The following SLC2A13 variants were observed in gnomAD, a reference collection of about 807,000 sequenced individuals.
The protein encoded by SLC2A13 is proton myo-inositol cotransporter.
In SLC2A13, 32 loss-of-function variants were observed where a neutral mutation model predicts 64.4. The ratio of observed to expected loss-of-function variants is 0.50; its 90% confidence interval spans 0.37 to 0.67. SLC2A13 has a LOEUF of 0.67. SLC2A13 is among the 30% of genes least tolerant of loss of function. SLC2A13 has a pLI of 0.00. For missense variants in SLC2A13, 743 were observed against 829.2 expected (o/e 0.90, Z 1.28); for synonymous variants, 338 against 327.1 (o/e 1.03, Z -0.36).
chr12:39,836,053 T>G (rs1942995064), intron 6 of SLC2A13, among the ~76,000 whole-genome samples: 1 of 152,092 alleles, frequency 6.6e-6, no homozygotes, highest in African/African-American at 2.4e-5. Context: ...CCAGTTTCGT[T>G]GAGGCCCACA....
chr12:40,022,580 T>C (rs1947737327), intron 3 of SLC2A13, among the ~76,000 whole-genome samples: 1 of 152,236 alleles, frequency 6.6e-6, no homozygotes, highest in African/African-American at 2.4e-5. Flanking sequence ...CTCATGCCTG[T>C]AATCTTAGCA....
At chr12:39,862,267 T>G (rs1013971483) in intron 6 of SLC2A13, among the ~76,000 whole-genome samples, 2 of 152,234 alleles carry the variant, frequency 1.3e-5, no homozygotes, top group African/African-American at 4.8e-5. Flanking sequence ...AGCTCTAACC[T>G]ACAATATTTT....
At chr12:39,913,648 G>A (rs1945470025) in intron 4 of SLC2A13, among the ~76,000 whole-genome samples, 1 of 151,742 alleles carries the variant, frequency 6.6e-6, no homozygotes, top group African/African-American at 2.4e-5. Context: ...GCAATTTCAG[G>A]AGAAAAGATA....
intron 4 of SLC2A13, among the ~76,000 whole-genome samples, chr12:39,903,525 T>G (rs956186396): frequency 2.6e-5 from 4 of 152,034 alleles, no homozygotes; most frequent in African/African-American, 9.7e-5. Context: ...GGGAAGCTCA[T>G]GACAAGATTC....
At chr12:39,773,773 A>G (rs61931208) in intron 7 of SLC2A13, among the ~76,000 whole-genome samples, 28,730 of 152,112 alleles carry the variant, frequency 0.19, 3,147 homozygotes, top group East Asian at 0.4. Flanking sequence ...AAAACTTCCA[A>G]CTTCATATAT....
intron 6 of SLC2A13, among the ~76,000 whole-genome samples, chr12:39,834,735 C>T (rs1356547017): frequency 4.6e-5 from 7 of 151,960 alleles, no homozygotes; most frequent in Admixed American, 3.3e-4. Flanking sequence ...GGAGGAAAGA[C>T]AAGATTTCCT....
intron 7 of SLC2A13, among the ~76,000 whole-genome samples, chr12:39,803,749 G>A (rs1043276373): frequency 1.3e-5 from 2 of 152,146 alleles, no homozygotes; most frequent in African/African-American, 4.8e-5. Flanking sequence ...AAAGCAGAAT[G>A]TGATGGCCAG....
At chr12:40,009,637 T>A (rs991918564) in intron 3 of SLC2A13, among the ~76,000 whole-genome samples, 1 of 152,156 alleles carries the variant, frequency 6.6e-6, no homozygotes, top group Non-Finnish European at 1.5e-5. Flanking sequence ...CTCACTATGT[T>A]GCCCAGGCTG....
chr12:39,983,020 G>T lies in SLC2A13; in HGVS notation c.926-31655C>A, dbSNP rs953077869. On this transcript the variant is annotated intron_variant, in intron 3 of 9. Coordinates refer to ENST00000280871, the MANE Select transcript of SLC2A13 (RefSeq NM_052885.4). ...ACAGAACAGAGCCCTCAGAAATAAC[G>T]CCGCATACCTACAACTATCTGATCT... Among the ~76,000 whole-genome samples the T allele has an allele frequency of 4.8e-5, 7 of 147,092 alleles. No individual in the cohort carries two copies. The East Asian group carries it at 6.7e-4, about 14-fold the overall frequency.
At chr12:40,024,892 G>A (rs776825901) in intron 3 of SLC2A13, among the ~76,000 whole-genome samples, 2 of 152,072 alleles carry the variant, frequency 1.3e-5, no homozygotes, top group Non-Finnish European at 1.5e-5. Flanking sequence ...CAACTCTCCC[G>A]AGATTCATTT....
At chr12:39,929,517 C>T (rs1278005909) in intron 4 of SLC2A13, among the ~76,000 whole-genome samples, 1 of 151,530 alleles carries the variant, frequency 6.6e-6, no homozygotes, top group African/African-American at 2.4e-5. Flanking sequence ...AGCCATTGCA[C>T]TCCAGCCTGG....
At chr12:39,830,434 C>A in intron 6 of SLC2A13, 1 of 1,277,392 alleles carries the variant, frequency 7.8e-7, no homozygotes, top group Non-Finnish European at 9.9e-7. Context: ...TTGGCCACAG[C>A]AACTTTGGAA....
At chr12:40,104,583 A>C (rs1188310524) in intron 1 of SLC2A13, among the ~76,000 whole-genome samples, 1 of 152,232 alleles carries the variant, frequency 6.6e-6, no homozygotes, top group African/African-American at 2.4e-5. Flanking sequence ...AGAATGGATA[A>C]AAAAGGATTC....
intron 4 of SLC2A13, among the ~76,000 whole-genome samples, chr12:39,910,508 T>C (rs561411445): frequency 4.6e-5 from 7 of 152,074 alleles, no homozygotes; most frequent in Non-Finnish European, 8.8e-5. Context: ...TATGAATACA[T>C]TTGGAATACT....
intron 2 of SLC2A13, among the ~76,000 whole-genome samples, chr12:40,041,606 C>G (rs1370742520): frequency 2.0e-5 from 3 of 152,198 alleles, no homozygotes; most frequent in African/African-American, 7.2e-5. Context: ...ATCTTTCCAT[C>G]TCTAGTATTA....
chr12:39,898,427 C>T (rs1405408351), intron 4 of SLC2A13, among the ~76,000 whole-genome samples: 1 of 152,060 alleles, frequency 6.6e-6, no homozygotes, highest in African/African-American at 2.4e-5. Flanking sequence ...AGTAAAATAA[C>T]CAGTGTTTGT....
intron 3 of SLC2A13, 63 bp from the exon 4 acceptor site, chr12:39,951,428 T>A (rs1946228076): frequency 7.5e-7 from 1 of 1,329,608 alleles, no homozygotes; most frequent in African/African-American, 1.5e-5. Flanking sequence ...TAGTAATTAT[T>A]CCCAATAGGA....
intron 3 of SLC2A13, among the ~76,000 whole-genome samples, chr12:40,020,819 T>C (rs905748457): frequency 1.3e-5 from 2 of 152,146 alleles, no homozygotes; most frequent in African/African-American, 4.8e-5. Context: ...CGAAGCAGAC[T>C]ATCACCTATA....
chr12:39,758,437 C>G lies in SLC2A13; in HGVS notation c.*1589G>C, dbSNP rs940689536. On this transcript the variant is annotated 3_prime_UTR_variant, in exon 10 of 10. Transcript: ENST00000280871. ...CCACCTTTTCTCTCCAAATACAGTA[C>G]CTTATTAGATGTTTAGAGCCATTTA... The G allele has an allele frequency of 6.6e-6, 1 of 151,740 alleles. No homozygotes were observed. Among genetic ancestry groups the G allele is most frequent in the Non-Finnish European group, 1.5e-5 (1 of 67,748 alleles). 9.4% of individuals were successfully genotyped at this position (151,740 alleles called of 1,614,324 possible).
Sources: allele counts gnomAD v4.1 joint callset (sites outside exome capture counted in the v4.1 genomes callset), GRCh38; gene constraint gnomAD v4.1.1; transcripts MANE v1.5; gene names NCBI Gene and HGNC (gene_info 2026-07-23, HGNC 2026-07-21).